The following DLGAP1 variants were observed in gnomAD, a reference collection of about 807,000 sequenced individuals.
The protein encoded by DLGAP1 is DLG associated protein 1, also known as disks large-associated protein 1.
Under a neutral mutation model 90.8 loss-of-function variants are expected in DLGAP1, and 11 were observed. The ratio of observed to expected loss-of-function variants is 0.12; its 90% CI spans 0.08 to 0.20. The LOEUF (loss-of-function observed/expected upper bound fraction) is 0.20, where lower values mean the gene tolerates loss of function less well. Among genes scored for constraint, DLGAP1 ranks in the 10% least tolerant of loss-of-function variants. DLGAP1 has a pLI of 1.00. For missense variants in DLGAP1, 1,050 were observed against 1,333.8 expected, an observed-to-expected ratio of 0.79 and a Z score of 3.31; for synonymous variants, 558 against 540.7, an observed-to-expected ratio of 1.03 and a Z score of -0.44.
At chr18:3,544,645 G>C (rs776962508) in intron 9 of DLGAP1, among the ~76,000 whole-genome samples, 178 of 151,690 alleles carry the variant, frequency 1.2e-3, no homozygotes, top group Non-Finnish European at 1.7e-3. Flanking sequence ...ATTGAAACTT[G>C]TTTTTTGGGC....
chr18:3,596,555 C>CTTTT (rs35616000), intron 7 of DLGAP1: 7 of 191,952 alleles, frequency 3.6e-5, no homozygotes, highest in South Asian at 1.3e-4. Context: ...GTTAGGAGAA[C>CTTTT]TTTTTTTTTT....
chr18:4,157,707 C>T (rs923616972), intron 1 of DLGAP1, among the ~76,000 whole-genome samples: 2 of 152,200 alleles, frequency 1.3e-5, no homozygotes, highest in African/African-American at 4.8e-5. Context: ...CCATTCTGCG[C>T]TGCCTCATTC....
rs79267676 is a variant in DLGAP1, at chr18:3,895,181, A to T, written c.-72-15041T>A. On this transcript the variant is annotated intron_variant, in intron 3 of 12. Transcript: ENST00000315677. ...CAGTGCGTGCTCCACCAGCTTGAATACCAGGAAGGTTATCAGGAAAAGCTA... is the reference window on the plus strand; with the variant it reads ...CAGTGCGTGCTCCACCAGCTTGAATTCCAGGAAGGTTATCAGGAAAAGCTA... Among the ~76,000 whole-genome samples the T allele has an allele frequency of 9.9e-4, 150 of 152,142 alleles. 2 individuals are homozygous for T. In the East Asian group the frequency reaches 0.028, roughly 29 times the overall value.
At chr18:3,567,725 T>G in intron 8 of DLGAP1, 144 bp from the exon 9 acceptor site, 33 of 670,702 alleles carry the variant, frequency 4.9e-5, no homozygotes, top group Non-Finnish European at 7.0e-5. Context: ...TTGTGTACAC[T>G]ACCTTCACTG....
chr18:4,323,729 C>T (rs558786420), intron 1 of DLGAP1, among the ~76,000 whole-genome samples: 3 of 152,092 alleles, frequency 2.0e-5, no homozygotes, highest in African/African-American at 4.8e-5. Flanking sequence ...ATCACTCAAA[C>T]CATAAAATTA....
At chr18:4,278,752 A>ACACACT (rs2079478293) in intron 1 of DLGAP1, among the ~76,000 whole-genome samples, 3 of 111,092 alleles carry the variant, frequency 2.7e-5, no homozygotes. Context: ...TGTTATACAC[A>ACACACT]CACACACACA....
intron 5 of DLGAP1, among the ~76,000 whole-genome samples, chr18:3,772,097 CTTTCT>C (rs987982313): frequency 4.0e-4 from 60 of 151,860 alleles, no homozygotes; most frequent in Admixed American, 9.2e-4. Context: ...CTAAGCCTTT[CTTTCT>C]TTTCTTTTCT....
At chr18:3,906,212 C>A (rs2071903133) in intron 3 of DLGAP1, among the ~76,000 whole-genome samples, 1 of 152,122 alleles carries the variant, frequency 6.6e-6, no homozygotes, top group Non-Finnish European at 1.5e-5. Flanking sequence ...GCTGATTTAT[C>A]CAAGGTTACT....
chr18:3,703,891 T>G (rs74578542), intron 7 of DLGAP1, among the ~76,000 whole-genome samples: 2,763 of 152,264 alleles, frequency 0.018, 95 homozygotes, highest in African/African-American at 0.064. Flanking sequence ...TACTGCACCC[T>G]ACATGATACA....
chr18:3,797,146 AC>A (rs1168090198), intron 5 of DLGAP1, among the ~76,000 whole-genome samples: 1 of 152,172 alleles, frequency 6.6e-6, no homozygotes, highest in Non-Finnish European at 1.5e-5. Flanking sequence ...ATCCTGGCTA[AC>A]ATGGTGAAAC....
intron 4 of DLGAP1, among the ~76,000 whole-genome samples, chr18:3,845,847 G>A (rs548845450): frequency 8.0e-4 from 122 of 152,302 alleles, no homozygotes; most frequent in Non-Finnish European, 1.4e-3. Flanking sequence ...ATTTTAAGGA[G>A]TAAAATAACA....
chr18:3,640,370 A>G (rs912929834), intron 7 of DLGAP1, among the ~76,000 whole-genome samples: 2 of 152,226 alleles, frequency 1.3e-5, no homozygotes, highest in African/African-American at 2.4e-5. Context: ...CCAACATGCA[A>G]TAATAGTATA....
intron 1 of DLGAP1, among the ~76,000 whole-genome samples, chr18:4,374,904 T>C (rs569272991): frequency 1.3e-3 from 205 of 152,172 alleles, no homozygotes; most frequent in African/African-American, 4.7e-3. Flanking sequence ...TCTACTAGAT[T>C]GGAAATAAAG....
chr18:3,642,503 A>T (rs1470893307), intron 7 of DLGAP1, among the ~76,000 whole-genome samples: 1 of 152,166 alleles, frequency 6.6e-6, no homozygotes, highest in Non-Finnish European at 1.5e-5. Context: ...GTATACTGAA[A>T]AGGAGGGTAT....
intron 2 of DLGAP1, among the ~76,000 whole-genome samples, chr18:4,142,030 T>C (rs1342964805): frequency 1.3e-5 from 2 of 152,150 alleles, no homozygotes; most frequent in African/African-American, 2.4e-5. Flanking sequence ...TTGATGTTTG[T>C]GGTTGTTCCT....
At chr18:3,646,793 TGG>T (rs1567892631) in intron 7 of DLGAP1, among the ~76,000 whole-genome samples, 1 of 151,392 alleles carries the variant, frequency 6.6e-6, no homozygotes, top group Non-Finnish European at 1.5e-5. Flanking sequence ...GGCGTGGTGG[TGG>T]GCGCCTGTAG....
chr18:3,803,714 G>T (rs1232418529), intron 5 of DLGAP1, among the ~76,000 whole-genome samples: 1 of 151,854 alleles, frequency 6.6e-6, no homozygotes, highest in Non-Finnish European at 1.5e-5. Context: ...GGCTGGAGCC[G>T]AAGACCCAGG....
In DLGAP1 at chr18:3,858,495, T is replaced by C. The variant is rs559443472; in HGVS notation, c.957+20617A>G. Among the ~76,000 whole-genome samples, 49 of 148,582 alleles carry C rather than the reference T, an allele frequency of 3.3e-4. 1 individual carries two copies. Among genetic ancestry groups the C allele is most frequent in the African/African-American group, 1.2e-3 (47 of 40,212 alleles). ...AGGGAAACATATATATATATACGTG[T>C]ATATATACATATATATACACGTATA... is the stretch of plus-strand genomic sequence containing the variant. On this transcript the variant is annotated intron_variant, in intron 4 of 12. Transcript: ENST00000315677.
rs80282717 is a variant in DLGAP1, at chr18:4,255,024, T to C, written c.-266-103737A>G. ...AAAGGAATGCACAGAATTAGCATGATGGACTAGTGAGGAAACCAGCCTGGG... is the reference window on the plus strand; with the variant it reads ...AAAGGAATGCACAGAATTAGCATGACGGACTAGTGAGGAAACCAGCCTGGG... On this transcript the variant is annotated intron_variant, in intron 1 of 12. Transcript: ENST00000315677. Among the ~76,000 whole-genome samples, 622 of 152,294 alleles carry C rather than the reference T, an allele frequency of 4.1e-3. 6 individuals are homozygous for C. Among genetic ancestry groups the C allele is most frequent in the African/African-American group, 0.014 (598 of 41,562 alleles).
Sources: gnomAD v4.1 joint callset for allele counts (sites outside exome capture counted in the v4.1 genomes callset) on GRCh38, gnomAD v4.1.1 for gene constraint, MANE v1.5 for transcripts, NCBI Gene and HGNC (gene_info 2026-07-23, HGNC 2026-07-21) for gene names.